CELF2: variants seen among roughly 807,000 people sequenced by gnomAD.
CELF2 encodes the protein CUGBP Elav-like family member 2, also known as CUG triplet repeat RNA-binding protein 2.
In CELF2, 8 loss-of-function variants were observed where a neutral mutation model predicts 62.6. The ratio of observed to expected loss-of-function variants is 0.13; its 90% CI spans 0.07 to 0.23. The LOEUF (loss-of-function observed/expected upper bound fraction) is 0.23, where lower values mean the gene tolerates loss of function less well. Among genes scored for constraint, CELF2 ranks in the 10% least tolerant of loss-of-function variants. The pLI is 1.00. For missense variants in CELF2, 333 were observed against 671.0 expected (o/e 0.50, Z 5.56); for synonymous variants, 258 against 250.0 (o/e 1.03, Z -0.30).
the CELF2 span, among the ~76,000 whole-genome samples, chr10:10,597,756 C>T: frequency 1.3e-5 from 2 of 152,202 alleles, no homozygotes; most frequent in Non-Finnish European, 2.9e-5. Flanking sequence ...TCTCCTGCCA[C>T]TGCTCAAGGT....
the CELF2 span, among the ~76,000 whole-genome samples, chr10:10,570,751 C>T: frequency 2.0e-5 from 3 of 151,820 alleles, no homozygotes; most frequent in East Asian, 1.9e-4. Flanking sequence ...TTGATAACAA[C>T]GTTAAAAGCA....
the CELF2 span, among the ~76,000 whole-genome samples, chr10:10,639,124 A>G: frequency 6.6e-6 from 1 of 152,270 alleles, no homozygotes; most frequent in African/African-American, 2.4e-5. Flanking sequence ...TATAATCATA[A>G]GAAAATAAAA....
chr10:11,275,749 C>T (rs2085813266), intron 8 of CELF2, among the ~76,000 whole-genome samples: 1 of 152,218 alleles, frequency 6.6e-6, no homozygotes, highest in African/African-American at 2.4e-5. Flanking sequence ...ATTCCTTCTT[C>T]TAATGAGCTG....
intron 1 of CELF2, among the ~76,000 whole-genome samples, chr10:10,817,511 C>G (rs531920343): frequency 6.6e-6 from 1 of 152,264 alleles, no homozygotes; most frequent in South Asian, 2.1e-4. Flanking sequence ...TCCTTCTACT[C>G]TCTATGTCCA....
At chr10:11,301,550 G>T (rs956841134) in intron 9 of CELF2, among the ~76,000 whole-genome samples, 1 of 126,494 alleles carries the variant, frequency 7.9e-6, no homozygotes, top group African/African-American at 3.0e-5. Flanking sequence ...CCCCGGCCCC[G>T]ACTCCCGTTC....
chr10:11,234,880 A>G (rs1188482468), intron 3 of CELF2, among the ~76,000 whole-genome samples: 1 of 152,068 alleles, frequency 6.6e-6, no homozygotes. Flanking sequence ...TATAATCCTT[A>G]ACTGAATGAA....
At chr10:11,065,150 A>G (rs1265802493) in intron 1 of CELF2, among the ~76,000 whole-genome samples, 1 of 152,196 alleles carries the variant, frequency 6.6e-6, no homozygotes, top group Non-Finnish European at 1.5e-5. Flanking sequence ...CTTCTGTTAA[A>G]CAAGGTCTCC....
the CELF2 span, among the ~76,000 whole-genome samples, chr10:10,710,071 C>T: frequency 6.6e-6 from 1 of 152,166 alleles, no homozygotes; most frequent in African/African-American, 2.4e-5. Flanking sequence ...ACAATGTTTC[C>T]AGTCAGGATT....
chr10:11,100,774 C>G (rs558940634), intron 1 of CELF2, among the ~76,000 whole-genome samples: 1 of 152,252 alleles, frequency 6.6e-6, no homozygotes, highest in Non-Finnish European at 1.5e-5. Flanking sequence ...GCCCAATGAA[C>G]AGGTACCTTG....
chr10:10,838,093 T>C (rs1051909647), intron 1 of CELF2, among the ~76,000 whole-genome samples: 1 of 152,212 alleles, frequency 6.6e-6, no homozygotes, highest in African/African-American at 2.4e-5. Flanking sequence ...CTTGGGTTCT[T>C]CTTGGTTGGG....
chr10:10,696,110 G>A, the CELF2 span, among the ~76,000 whole-genome samples: 7 of 152,052 alleles, frequency 4.6e-5, no homozygotes, highest in Admixed American at 6.5e-5. Context: ...CAGTTTTTCT[G>A]TTCTGTTTTT....
intron 1 of CELF2, among the ~76,000 whole-genome samples, chr10:11,135,758 T>C: frequency 6.6e-6 from 1 of 152,232 alleles, no homozygotes; most frequent in Non-Finnish European, 1.5e-5. Flanking sequence ...CATCCCTGAC[T>C]AATGAATTTT....
chr10:11,029,481 C>T (rs555637239), intron 1 of CELF2, among the ~76,000 whole-genome samples: 21 of 152,242 alleles, frequency 1.4e-4, no homozygotes, highest in Middle Eastern at 6.8e-3. Flanking sequence ...CACGACGGGC[C>T]AGGGGAATAT....
intron 1 of CELF2, among the ~76,000 whole-genome samples, chr10:10,862,342 T>A (rs1453822032): frequency 6.6e-6 from 1 of 152,202 alleles, no homozygotes; most frequent in African/African-American, 2.4e-5. Context: ...ACTGCAATGA[T>A]CTGAAGGCTC....
intron 1 of CELF2, among the ~76,000 whole-genome samples, chr10:11,042,609 T>C (rs117904963): frequency 0.024 from 3,589 of 152,274 alleles, 72 homozygotes; most frequent in South Asian, 0.04. Context: ...TGCACAAAGT[T>C]GTGCAACCAT....
At chr10:10,772,215 A>C in the CELF2 span, among the ~76,000 whole-genome samples, 1 of 152,152 alleles carries the variant, frequency 6.6e-6, no homozygotes, top group Non-Finnish European at 1.5e-5. Flanking sequence ...GTTTTTAGTA[A>C]AGAGTTTGGA....
At chr10:10,651,760 A>G in the CELF2 span, among the ~76,000 whole-genome samples, 1 of 151,926 alleles carries the variant, frequency 6.6e-6, no homozygotes, top group African/African-American at 2.4e-5. Flanking sequence ...ATAAAACCAC[A>G]AAGATGGGGA....
At chr10:11,325,231 C>G (rs2132514958) in intron 11 of CELF2, among the ~76,000 whole-genome samples, 1 of 152,336 alleles carries the variant, frequency 6.6e-6, no homozygotes, top group Middle Eastern at 3.4e-3. Context: ...AGAGTCATTC[C>G]TCTCAAAGTC....
intron 1 of CELF2, among the ~76,000 whole-genome samples, chr10:11,115,682 G>A (rs2056408449): frequency 6.6e-6 from 1 of 152,182 alleles, no homozygotes; most frequent in Non-Finnish European, 1.5e-5. Context: ...AGTCACAGCT[G>A]ACACTTGACA....
Sources: gnomAD v4.1 joint callset for allele counts (sites outside exome capture counted in the v4.1 genomes callset) on GRCh38, gnomAD v4.1.1 for gene constraint, MANE v1.5 for transcripts, NCBI Gene and HGNC (gene_info 2026-07-23, HGNC 2026-07-21) for gene names.